Variants in VPS13B observed in about 807,000 individuals in gnomAD.
VPS13B encodes intermembrane lipid transfer protein VPS13B.
In VPS13B, 285 loss-of-function variants were observed where a neutral mutation model predicts 426.4. The ratio of observed to expected loss-of-function variants is 0.67; its 90% CI spans 0.61 to 0.74. VPS13B has a LOEUF of 0.74. Among genes scored for constraint, VPS13B ranks in the 30% least tolerant of loss-of-function variants. The pLI, the probability that VPS13B is intolerant of heterozygous loss-of-function variation, is 0.00. For missense variants in VPS13B, 4,537 were observed against 4,782.6 expected, an observed-to-expected ratio of 0.95 and a Z score of 1.51; for synonymous variants, 1,676 against 1,676.4, an observed-to-expected ratio of 1.00 and a Z score of 0.01.
chr8:99,542,759 C>G (rs960942862), intron 30 of VPS13B, among the ~76,000 whole-genome samples: 3 of 152,082 alleles, frequency 2.0e-5, no homozygotes, highest in Non-Finnish European at 2.9e-5. Context: ...TCCAAGTGAC[C>G]TCAGCCAACA....
intron 61 of VPS13B, among the ~76,000 whole-genome samples, chr8:99,872,342 G>A (rs1817465375): frequency 6.6e-6 from 1 of 152,232 alleles, no homozygotes; most frequent in South Asian, 2.1e-4. Context: ...TTCTGTGGCT[G>A]TGTTCTCTTT....
intron 12 of VPS13B, among the ~76,000 whole-genome samples, chr8:99,142,366 A>G (rs1175414882): frequency 6.6e-6 from 1 of 152,216 alleles, no homozygotes; most frequent in Non-Finnish European, 1.5e-5. Context: ...CATATTAGAT[A>G]ATGACACATG....
intron 3 of VPS13B, among the ~76,000 whole-genome samples, chr8:99,081,333 G>A (rs1845442360): frequency 1.3e-5 from 2 of 151,866 alleles, no homozygotes; most frequent in South Asian, 4.2e-4. Flanking sequence ...AGTATTTCTT[G>A]TCCTCCCCCA....
At chr8:99,105,075 A>C (rs1406788399) in intron 5 of VPS13B, among the ~76,000 whole-genome samples, 6 of 152,198 alleles carry the variant, frequency 3.9e-5, no homozygotes, top group Admixed American at 3.9e-4. Flanking sequence ...AAGGCATACA[A>C]CTAGGAAGTA....
At chr8:99,203,006 G>A (rs576899174) in intron 17 of VPS13B, among the ~76,000 whole-genome samples, 1 of 149,766 alleles carries the variant, frequency 6.7e-6, no homozygotes. Flanking sequence ...CCGAGATCAC[G>A]CCACTGCACT....
intron 21 of VPS13B, among the ~76,000 whole-genome samples, chr8:99,419,584 G>A (rs1816261769): frequency 6.6e-6 from 1 of 152,090 alleles, no homozygotes; most frequent in African/African-American, 2.4e-5. Context: ...GGTTAAGGCA[G>A]TTGCCCCCTA....
At chr8:99,760,906 A>C (rs1018656860) in intron 39 of VPS13B, among the ~76,000 whole-genome samples, 6 of 152,210 alleles carry the variant, frequency 3.9e-5, no homozygotes, top group Non-Finnish European at 8.8e-5. Flanking sequence ...GATGATTTAA[A>C]GTATATGGGA....
At chr8:99,745,041 A>C (rs1355457362) in intron 39 of VPS13B, among the ~76,000 whole-genome samples, 1 of 151,846 alleles carries the variant, frequency 6.6e-6, no homozygotes, top group African/African-American at 2.4e-5. Context: ...ATTTGATAGC[A>C]TGTAATAGGC....
At chr8:99,332,398 A>G (rs1226731026) in intron 19 of VPS13B, among the ~76,000 whole-genome samples, 1 of 151,710 alleles carries the variant, frequency 6.6e-6, no homozygotes, top group Non-Finnish European at 1.5e-5. Flanking sequence ...ATCTTTTCAT[A>G]TATGGCCACT....
In VPS13B at chr8:99,050,017, T is replaced by G. The variant is rs377345485; in HGVS notation, c.291+11451T>G. Among the ~76,000 whole-genome samples the G allele has an allele frequency of 1.6e-4, 24 of 151,716 alleles. No individual in the cohort carries two copies. In the East Asian group the frequency reaches 2.5e-3, roughly 16 times the overall value. On this transcript the variant is annotated intron_variant, in intron 3 of 61. Coordinates refer to ENST00000357162, the MANE Select transcript of VPS13B (RefSeq NM_152564.5). ...TTCTTTTATTTTTTTTTAACTTTTG[T>G]ATTTTTATTTTTTTATTTATCTTTT... is the stretch of plus-strand genomic sequence containing the variant.
chr8:99,821,028 AAATACG>A (rs1163540237), intron 49 of VPS13B, among the ~76,000 whole-genome samples: 1 of 148,614 alleles, frequency 6.7e-6, no homozygotes, highest in Non-Finnish European at 1.5e-5. Context: ...TCCCTTCCGT[AAATACG>A]AATTCCATTG....
rs549722305 is a variant in VPS13B, at chr8:99,753,244, C to A, written c.7051-13530C>A. Among the ~76,000 whole-genome samples, 4 of 152,218 alleles carry A rather than the reference C, an allele frequency of 2.6e-5. No individual in the cohort carries two copies. The South Asian group carries it at 8.3e-4, about 32-fold the overall frequency. On this transcript the variant is annotated intron_variant, in intron 39 of 61. Transcript: ENST00000357162. The stretch of plus-strand genomic sequence containing the variant: ...AGAGTTGGAAAGAACTAAAGTAGTT[C>A]TTATTCTATCTTCCTAAATTTTTGT...
chr8:99,707,602 A>G (rs1267532354), intron 36 of VPS13B, among the ~76,000 whole-genome samples: 1 of 152,218 alleles, frequency 6.6e-6, no homozygotes, highest in Admixed American at 6.5e-5. Flanking sequence ...TTTAACCAAA[A>G]CAAACAAAAA....
intron 19 of VPS13B, among the ~76,000 whole-genome samples, chr8:99,364,167 C>G (rs868620450): frequency 6.6e-6 from 1 of 152,060 alleles, no homozygotes; most frequent in East Asian, 1.9e-4. Flanking sequence ...GGATTTTTAT[C>G]AGGAAGAATG....
At chr8:99,708,063 G>A (rs1272813886) in intron 36 of VPS13B, among the ~76,000 whole-genome samples, 3 of 152,160 alleles carry the variant, frequency 2.0e-5, no homozygotes, top group Non-Finnish European at 4.4e-5. Context: ...CAATTAACCA[G>A]CTACTGAATT....
At chr8:99,791,386 A>G (rs1812527043) in intron 43 of VPS13B, among the ~76,000 whole-genome samples, 2 of 152,032 alleles carry the variant, frequency 1.3e-5, no homozygotes, top group African/African-American at 4.8e-5. Flanking sequence ...CCAGCACACC[A>G]CTGTCTGGCA....
At chr8:99,579,396 AT>A (rs201337058) in intron 33 of VPS13B, among the ~76,000 whole-genome samples, 3 of 151,392 alleles carry the variant, frequency 2.0e-5, no homozygotes, top group African/African-American at 4.9e-5. Context: ...CACTACCAGA[AT>A]TTTTTTTTCT....
intron 17 of VPS13B, among the ~76,000 whole-genome samples, chr8:99,256,638 A>C (rs77369689): frequency 0.022 from 3,292 of 152,148 alleles, 129 homozygotes; most frequent in African/African-American, 0.075. Flanking sequence ...CATTTTCTTA[A>C]TTAGTAATGC....
At chr8:99,167,736 GT>G (rs1812094915) in intron 15 of VPS13B, among the ~76,000 whole-genome samples, 1 of 152,010 alleles carries the variant, frequency 6.6e-6, no homozygotes. Context: ...TTAAAAACAG[GT>G]GGCAATACAT....
Sources: allele counts gnomAD v4.1 joint callset (sites outside exome capture counted in the v4.1 genomes callset), GRCh38; gene constraint gnomAD v4.1.1; transcripts MANE v1.5; gene names NCBI Gene and HGNC (gene_info 2026-07-23, HGNC 2026-07-21).